Variants in NPIPB2 observed in about 807,000 individuals in gnomAD.
NPIPB2 encodes the protein nuclear pore complex interacting protein family member B2.
In NPIPB2, 27 loss-of-function variants were observed where a neutral mutation model predicts 30.8. The ratio of observed to expected loss-of-function variants is 0.88; its 90% CI spans 0.65 to 1.21. The LOEUF is 1.21. Among genes scored for constraint, NPIPB2 ranks in the 50% most tolerant of loss-of-function variants. NPIPB2 has a pLI of 0.00. For missense variants in NPIPB2, 440 were observed against 446.2 expected, an observed-to-expected ratio of 0.99 and a Z score of 0.13; for synonymous variants, 147 against 162.0, an observed-to-expected ratio of 0.91 and a Z score of 0.70.
intron 1 of NPIPB2, chr16:11,976,532 G>A (rs1453118556): frequency 5.7e-6 from 2 of 351,246 alleles, no homozygotes; most frequent in Non-Finnish European, 1.0e-5. Flanking sequence ...GGGCACTTGG[G>A]GACAGCGACG....
In NPIPB2 at chr16:11,953,366, G is replaced by A. The variant is rs535872661; in HGVS notation, c.-583-11252C>T. Among the ~76,000 whole-genome samples, 17 of 151,874 alleles carry A rather than the reference G, an allele frequency of 1.1e-4. 1 individual carries two copies. Among genetic ancestry groups the A allele is most frequent in the East Asian group, 5.8e-4 (3 of 5,162 alleles). On this transcript the variant is annotated intron_variant, in intron 1 of 5. Transcript: ENST00000538896. ...GGTTTTGTTTTTGTTTTCTTGAGAC[G>A]GAGTCTTGCTCTGTTGCTCAGGGTG...
chr16:11,975,138 C>T (rs1322806023), intron 1 of NPIPB2, among the ~76,000 whole-genome samples: 1 of 90,464 alleles, frequency 1.1e-5, no homozygotes. Context: ...CTCAATCCAT[C>T]ACCTTTTTTT....
At chr16:11,948,035 C>T (rs533380331) in intron 1 of NPIPB2, among the ~76,000 whole-genome samples, 2 of 149,728 alleles carry the variant, frequency 1.3e-5, no homozygotes, top group African/African-American at 2.5e-5. Flanking sequence ...CTGCATTCTC[C>T]AGCCCGTTAT....
chr16:11,968,420 T>A (rs1418653148), intron 1 of NPIPB2: 1 of 152,986 alleles, frequency 6.5e-6, no homozygotes, highest in Non-Finnish European at 1.5e-5. Flanking sequence ...GAGGTTGCAA[T>A]GAGCTGAGAT....
intron 1 of NPIPB2, among the ~76,000 whole-genome samples, chr16:11,951,617 CATACACAT>C (rs1384004846): frequency 9.2e-6 from 1 of 108,502 alleles, no homozygotes; most frequent in African/African-American, 3.5e-5. Context: ...GGACACTGCA[CATACACAT>C]ACACACACAC....
rs921566292 is a variant in NPIPB2, at chr16:11,950,286, T to C, written c.-583-8172A>G. ...CCTGACCTCAGGTGATCTGCCCACCTCAGCCTCCCAAGGTGCTGGGATTAC... is the reference window on the plus strand; with the variant it reads ...CCTGACCTCAGGTGATCTGCCCACCCCAGCCTCCCAAGGTGCTGGGATTAC... On this transcript the variant is annotated intron_variant, in intron 1 of 5. Coordinates refer to the NPIPB2 transcript ENST00000538896. Among the ~76,000 whole-genome samples the C allele has an allele frequency of 3.9e-5, 6 of 152,246 alleles. 1 individual carries two copies. The South Asian group carries it at 1.2e-3, about 32-fold the overall frequency.
At chr16:11,973,660 C>T (rs940520224) in intron 1 of NPIPB2, among the ~76,000 whole-genome samples, 2 of 151,936 alleles carry the variant, frequency 1.3e-5, no homozygotes, top group African/African-American at 2.4e-5. Flanking sequence ...TTCTACCTCC[C>T]GGGTTCAAGC....
chr16:11,932,503 A>C (rs1279442739), intron 4 of NPIPB2, among the ~76,000 whole-genome samples: 1 of 151,894 alleles, frequency 6.6e-6, no homozygotes, highest in East Asian at 1.9e-4. Context: ...TTGGGCTGGG[A>C]ACGGTGGCTC....
intron 1 of NPIPB2, among the ~76,000 whole-genome samples, chr16:11,958,149 G>A (rs531740694): frequency 6.6e-6 from 1 of 152,254 alleles, no homozygotes; most frequent in African/African-American, 2.4e-5. Context: ...ATGCTGGCTG[G>A]GTGCGGTGGC....
intron 1 of NPIPB2, among the ~76,000 whole-genome samples, chr16:11,949,401 G>C (rs2055043430): frequency 1.3e-5 from 2 of 152,172 alleles, no homozygotes; most frequent in Non-Finnish European, 2.9e-5. Context: ...AGGCAAAGCA[G>C]ATTCCCACCC....
intron 1 of NPIPB2, among the ~76,000 whole-genome samples, chr16:11,953,984 T>C (rs1254960235): frequency 6.6e-6 from 1 of 151,844 alleles, no homozygotes; most frequent in Non-Finnish European, 1.5e-5. Context: ...CCTCATATCA[T>C]CTTTTTTTGG....
intron 1 of NPIPB2, among the ~76,000 whole-genome samples, chr16:11,961,885 A>G (rs1009484399): frequency 6.6e-5 from 10 of 151,906 alleles, no homozygotes; most frequent in Admixed American, 1.3e-4. Flanking sequence ...ACATAAACAG[A>G]GGCTCTATTT....
intron 4 of NPIPB2, 133 bp downstream of exon 4, chr16:11,933,384 A>G (rs2054817066): frequency 7.3e-7 from 1 of 1,366,156 alleles, no homozygotes; most frequent in South Asian, 1.4e-5. Flanking sequence ...ATGAAGCAGA[A>G]AGGACAAACT....
upstream of NPIPB2, among the ~76,000 whole-genome samples, chr16:11,946,224 A>G (rs1236064941): frequency 1.3e-5 from 2 of 151,776 alleles, no homozygotes; most frequent in Non-Finnish European, 2.9e-5. Flanking sequence ...TGTCTCTACT[A>G]AAAATGCAAA....
chr16:11,973,670 C>A (rs549899061), intron 1 of NPIPB2, among the ~76,000 whole-genome samples: 1 of 151,574 alleles, frequency 6.6e-6, no homozygotes, highest in African/African-American at 2.4e-5. Flanking sequence ...CGGGTTCAAG[C>A]GATTCTCCTG....
intron 1 of NPIPB2, chr16:11,967,064 G>C (rs748658659): frequency 4.5e-6 from 1 of 221,496 alleles, no homozygotes; most frequent in Non-Finnish European, 9.3e-6. Context: ...GCAGTGGCGT[G>C]ATCTCAACTC....
At chr16:11,933,450 T>G in intron 4 of NPIPB2, 67 bp downstream of exon 4, 7 of 1,590,926 alleles carry the variant, frequency 4.4e-6, no homozygotes, top group Non-Finnish European at 6.0e-6. Flanking sequence ...TCTCAAGGAC[T>G]TTACAGTTGT....
chr16:11,974,897 C>G (rs904524313), intron 1 of NPIPB2, among the ~76,000 whole-genome samples: 12 of 151,838 alleles, frequency 7.9e-5, no homozygotes, highest in Non-Finnish European at 1.5e-4. Flanking sequence ...CACGTTGAAA[C>G]CCCGTCTCTA....
At chr16:11,927,901 T>G in intron 7 of NPIPB2, 22 bp from the exon 8 acceptor site, 1 of 902,688 alleles carries the variant, frequency 1.1e-6, no homozygotes, top group Non-Finnish European at 1.6e-6. Context: ...AAGGAGGGAA[T>G]GTTTTCACAC....
Sources: gnomAD v4.1 joint callset for allele counts (sites outside exome capture counted in the v4.1 genomes callset) on GRCh38, gnomAD v4.1.1 for gene constraint, MANE v1.5 for transcripts, NCBI Gene and HGNC (gene_info 2026-07-23, HGNC 2026-07-21) for gene names.